Variants in SLC1A3 observed in about 807,000 individuals in gnomAD.
SLC1A3 encodes solute carrier family 1 member 3.
SLC1A3 carries 21 observed loss-of-function variants against 48.1 expected under a neutral mutation model. The ratio of observed to expected loss-of-function variants is 0.44; its 90% CI spans 0.31 to 0.63. The LOEUF is 0.63. Among genes scored for constraint, SLC1A3 ranks in the 20% least tolerant of loss-of-function variants. The pLI is 0.08. For synonymous variants in SLC1A3, 239 were observed against 251.4 expected (o/e 0.95, Z 0.47); for missense variants, 546 against 689.0 (o/e 0.79, Z 2.32).
At chr5:36,612,620 A>AATG (rs1454053462) in intron 2 of SLC1A3, 1 of 157,336 alleles carries the variant, frequency 6.4e-6, no homozygotes, top group Non-Finnish European at 1.4e-5. Flanking sequence ...TAATAATAAT[A>AATG]ATAATAATGG....
intron 2 of SLC1A3, among the ~76,000 whole-genome samples, chr5:36,624,648 C>G (rs1330905155): frequency 6.6e-6 from 1 of 152,196 alleles, no homozygotes; most frequent in African/African-American, 2.4e-5. Context: ...GTTAAGGATG[C>G]AAACGTTGAC....
chr5:36,683,915 C>T lies in SLC1A3; in HGVS notation c.1341C>T (p.Gly447=). Residue 447 remains glycine, a synonymous_variant, in exon 9 of 10, where the codon GGC becomes GGT. Transcript: ENST00000265113. ...SIGAAGIPQA[G]LVTMVIVLTS... is the part of the protein sequence containing the mutation. ...GGGCAGCTGGAATTCCTCAGGCGGGCCTGGTCACTATGGTCATTGTGCTGA... is the reference window on the plus strand; with the variant it reads ...GGGCAGCTGGAATTCCTCAGGCGGGTCTGGTCACTATGGTCATTGTGCTGA... 1 of 1,614,158 alleles carries T rather than the reference C, an allele frequency of 6.2e-7. No individual in the cohort carries two copies. Among genetic ancestry groups the T allele is most frequent in the Non-Finnish European group, 8.5e-7 (1 of 1,179,988 alleles).
At chr5:36,624,333 G>A (rs970675624) in intron 2 of SLC1A3, among the ~76,000 whole-genome samples, 5 of 152,246 alleles carry the variant, frequency 3.3e-5, no homozygotes, top group African/African-American at 1.2e-4. Context: ...TACCATGGCT[G>A]TTGAGAGGCT....
chr5:36,675,500 G>A lies in SLC1A3; in HGVS notation c.568-1392G>A, dbSNP rs190862805. Among the ~76,000 whole-genome samples the A allele has an allele frequency of 2.2e-4, 33 of 152,250 alleles. No homozygotes were observed. The East Asian group carries it at 4.8e-3, about 22-fold the overall frequency. On this transcript the variant is annotated intron_variant, in intron 5 of 9. Transcript: ENST00000265113. ...GATTTGCATTCACAGGATTTTGAAGGGAAAGAAAATGTTTCTCCCCAGGTC... is the reference window on the plus strand; with the variant it reads ...GATTTGCATTCACAGGATTTTGAAGAGAAAGAAAATGTTTCTCCCCAGGTC...
At chr5:36,621,197 C>T (rs967150983) in intron 2 of SLC1A3, among the ~76,000 whole-genome samples, 1 of 152,152 alleles carries the variant, frequency 6.6e-6, no homozygotes, top group South Asian at 2.1e-4. Context: ...TGAGCCACCA[C>T]GCCTGGCCGA....
upstream of SLC1A3, among the ~76,000 whole-genome samples, chr5:36,603,202 G>C (rs1175586994): frequency 1.3e-5 from 2 of 152,220 alleles, no homozygotes; most frequent in East Asian, 3.9e-4. Context: ...CTGGCTCCCT[G>C]CCATGCCACA....
At chr5:36,680,666 C>G (rs927005907) in intron 8 of SLC1A3, 77 bp downstream of exon 8, 89 of 1,304,714 alleles carry the variant, frequency 6.8e-5, no homozygotes, top group Middle Eastern at 1.8e-4. Flanking sequence ...GCCTGTAATC[C>G]TAACACTTTG....
upstream of SLC1A3, among the ~76,000 whole-genome samples, chr5:36,602,725 G>T (rs548980640): frequency 2.0e-5 from 3 of 152,238 alleles, no homozygotes; most frequent in South Asian, 4.2e-4. Context: ...AATCTATTTG[G>T]GGGGGTTCCT....
Position 36,650,083 on chromosome 5 carries a change from C to A in SLC1A3, c.319+20496C>A, listed in dbSNP as rs1412285778. On this transcript the variant is annotated intron_variant, in intron 3 of 9. Coordinates refer to ENST00000265113, the MANE Select transcript of SLC1A3 (RefSeq NM_004172.5). ...ATTTTCCTATGGGAATATCAGTCTA[C>A]CTTACTGTTTTGGGGACATCCAAGT... 6.6e-5 allele frequency among the ~76,000 whole-genome samples: 10 copies of A among 152,164 alleles called. 1 individual carries two copies. The highest frequency in any genetic ancestry group is 6.5e-4 in the Admixed American group (10 of 15,274).
chr5:36,645,943 T>C (rs964326739), intron 3 of SLC1A3, among the ~76,000 whole-genome samples: 53 of 152,230 alleles, frequency 3.5e-4, no homozygotes, highest in Admixed American at 3.3e-3. Flanking sequence ...ATTTTTATTC[T>C]TGAATAGAGC....
At chr5:36,685,298 TG>T (rs1379162345) in intron 9 of SLC1A3, among the ~76,000 whole-genome samples, 8 of 152,214 alleles carry the variant, frequency 5.3e-5, no homozygotes, top group African/African-American at 1.4e-4. Flanking sequence ...TGTTTTGAGA[TG>T]GAGTTCCATT....
intron 2 of SLC1A3, among the ~76,000 whole-genome samples, chr5:36,613,872 A>G (rs1003480579): frequency 6.6e-6 from 1 of 152,048 alleles, no homozygotes; most frequent in Non-Finnish European, 1.5e-5. Flanking sequence ...TCTGTGCTTT[A>G]TCTTCTCCCC....
chr5:36,663,966 A>G (rs1177377568), intron 3 of SLC1A3, among the ~76,000 whole-genome samples: 1 of 152,158 alleles, frequency 6.6e-6, no homozygotes, highest in Non-Finnish European at 1.5e-5. Flanking sequence ...TGTCCATAAA[A>G]TTTCTGTTCA....
chr5:36,623,699 CA>C (rs35449337), intron 2 of SLC1A3, among the ~76,000 whole-genome samples: 445 of 124,908 alleles, frequency 3.6e-3, no homozygotes, highest in South Asian at 7.7e-3. Context: ...ACTAAAAATA[CA>C]AAAAAAAAAA....
chr5:36,650,966 A>C (rs936827588), intron 3 of SLC1A3, among the ~76,000 whole-genome samples: 10 of 152,140 alleles, frequency 6.6e-5, no homozygotes, highest in Admixed American at 2.0e-4. Context: ...TCATGATTCT[A>C]AGCCTGTGTC....
chr5:36,636,145 T>C (rs1311043810), intron 3 of SLC1A3: 1 of 150,802 alleles, frequency 6.6e-6, no homozygotes, highest in Non-Finnish European at 1.5e-5. Context: ...TACCTTTCCA[T>C]TACAGATGAT....
chr5:36,602,670 A>G (rs928193514), upstream of SLC1A3, among the ~76,000 whole-genome samples: 1 of 152,240 alleles, frequency 6.6e-6, no homozygotes, highest in Admixed American at 6.5e-5. Flanking sequence ...CTGTTGGATC[A>G]CTTGTGAGAA....
chr5:36,640,483 T>C (rs969459629), intron 3 of SLC1A3, among the ~76,000 whole-genome samples: 3 of 152,356 alleles, frequency 2.0e-5, no homozygotes, highest in Admixed American at 2.0e-4. Context: ...TTTGTGTTTA[T>C]TTTTTAAAAC....
At position 36,686,248 on chromosome 5, in the gene SLC1A3, C is replaced by A. The variant is rs1217651982; in HGVS notation, c.1608C>A (p.Ile536=). The change falls in exon 10 of 10, where the codon ATC becomes ATA. Residue 536 remains isoleucine, a synonymous_variant. Transcript: ENST00000265113. ...IAQDNETEKP[I]DSETKM Reference sequence around the variant, plus strand: ...AGGACAATGAAACTGAGAAACCCATCGACAGTGAAACCAAGATGTAGACTA... The same window carrying A: ...AGGACAATGAAACTGAGAAACCCATAGACAGTGAAACCAAGATGTAGACTA... 1 of 1,613,512 alleles carries A rather than the reference C, an allele frequency of 6.2e-7. No individual in the cohort carries two copies. Among genetic ancestry groups the A allele is most frequent in the East Asian group, 2.2e-5 (1 of 44,884 alleles).
Sources: allele counts gnomAD v4.1 joint callset (sites outside exome capture counted in the v4.1 genomes callset), GRCh38; gene constraint gnomAD v4.1.1; transcripts MANE v1.5; gene names NCBI Gene and HGNC (gene_info 2026-07-23, HGNC 2026-07-21).